The following HYOU1 variants were observed in gnomAD, a reference collection of about 807,000 sequenced individuals.
The protein encoded by HYOU1 is hypoxia up-regulated protein 1.
HYOU1 carries 40 observed loss-of-function variants against 120.5 expected under a neutral mutation model. The ratio of observed to expected loss-of-function variants is 0.33; its 90% confidence interval spans 0.26 to 0.43. The LOEUF (loss-of-function observed/expected upper bound fraction) is 0.43. HYOU1 is among the 20% of genes least tolerant of loss of function. The pLI is 1.00. For synonymous variants in HYOU1, 501 were observed against 479.4 expected, an observed-to-expected ratio of 1.05 and a Z score of -0.59; for missense variants, 1,085 against 1,278.3, an observed-to-expected ratio of 0.85 and a Z score of 2.31.
At position 119,048,649 on chromosome 11, in the gene HYOU1, GCCATCC is replaced by G; in HGVS notation, c.2165+59_2165+64del. On this transcript the variant is annotated intron_variant, in intron 18 of 25. Transcript: ENST00000617285. The surrounding 1 kb of genome is among the most constrained non-coding windows in gnomAD (Gnocchi z 4.7). The stretch of plus-strand genomic sequence containing the variant: ...GTCCGACAGCCCTCCCTCCCAGGGC[GCCATCC>G]CACATCCTGCCCACCTTGCACACAC... 1 of 1,605,368 alleles carries G rather than the reference GCCATCC, an allele frequency of 6.2e-7. No homozygotes were observed. The highest frequency in any genetic ancestry group is 8.5e-7 in the Non-Finnish European group (1 of 1,174,936).
Position 119,046,562 on chromosome 11 carries a change from C to G in HYOU1, c.2836G>C (p.Gly946Arg). The change falls in exon 23 of 26, where the codon GGC (glycine) becomes CGC (arginine). Residue 946 changes from glycine to arginine, a missense_variant and splice_region_variant. Coordinates refer to ENST00000617285, the MANE Select transcript of HYOU1 (RefSeq NM_006389.5). ...ATGCAGCCAGGTACCCTGTTCTCAC[C>G]TGCTGGAGGGATGACCTTCTCCCCC... ...DQGEKVIPPA[G>R]QTEDAEPISE... The G allele has an allele frequency of 6.2e-7, 1 of 1,613,760 alleles. No individual in the cohort carries two copies. The highest frequency in any genetic ancestry group is 8.5e-7 in the Non-Finnish European group (1 of 1,179,742).
At position 119,044,458 on chromosome 11, in the gene HYOU1, G is replaced by C. The variant is rs1004097417; in HGVS notation, c.*1135C>G. 1.3e-5 allele frequency: 2 copies of C among 152,572 alleles called. No homozygotes were observed. The highest frequency in any genetic ancestry group is 3.9e-4 in the East Asian group (2 of 5,184). The allele number at this position is 152,572 out of a possible 1,614,324, so 9.5% of individuals were successfully genotyped here. A position where few individuals can be genotyped will look rare whatever the true frequency, so the allele number is the denominator to read the frequency against. On this transcript the variant is annotated 3_prime_UTR_variant, in exon 26 of 26. Coordinates refer to ENST00000617285, the MANE Select transcript of HYOU1 (RefSeq NM_006389.5). ...AGCAGCCCTAGCTCCTGCTACAGACGGAATACTGGAGGACGGGCTCCCTAG... is the reference window on the plus strand; with the variant it reads ...AGCAGCCCTAGCTCCTGCTACAGACCGAATACTGGAGGACGGGCTCCCTAG...
Position 119,052,851 on chromosome 11 carries a change from G to A in HYOU1, c.795-22C>T. On this transcript the variant is annotated intron_variant, in intron 8 of 25. Transcript: ENST00000617285. This position sits in a 1 kb window ranked among gnomAD's most constrained non-coding sequence, Gnocchi z 5.0. ...AAATCTGTTGAGAAAAGGGAGCAGG[G>A]AAAAAAGTGAAGAACACATGGAGTC... is the stretch of plus-strand genomic sequence containing the variant. The A allele has an allele frequency of 6.3e-7, 1 of 1,596,362 alleles. No homozygotes were observed. Among genetic ancestry groups the A allele is most frequent in the Non-Finnish European group, 8.5e-7 (1 of 1,171,650 alleles).
Position 119,048,165 on chromosome 11 carries a change from A to G in HYOU1, c.2376+83T>C. 1 of 1,610,262 alleles carries G rather than the reference A, an allele frequency of 6.2e-7. No individual in the cohort carries two copies. The highest frequency in any genetic ancestry group is 1.3e-5 in the African/African-American group (1 of 74,902). ...CCCCATGTCCTTCTTTATGGGCTCA[A>G]GCCCCAGCTCTTCTCTCTCTCTGAC... On this transcript the variant is annotated intron_variant, in intron 20 of 25. Transcript: ENST00000617285. The surrounding 1 kb of genome is among the most constrained non-coding windows in gnomAD (Gnocchi z 4.7).
chr11:119,046,620 T>C lies in HYOU1; in HGVS notation c.2778A>G (p.Ala926=). ...PRPKDKNGTR[A]EPPLNASASD... Reference sequence around the variant, plus strand: ...TGGCACTGGCATTGAGGGGTGGCTCTGCCCGGGTCCCATTCTTGTCCTTAG... The same window carrying C: ...TGGCACTGGCATTGAGGGGTGGCTCCGCCCGGGTCCCATTCTTGTCCTTAG... Residue 926 remains alanine (A), a synonymous_variant, in exon 23 of 26, where the codon GCA becomes GCG. Coordinates refer to ENST00000617285, the MANE Select transcript of HYOU1 (RefSeq NM_006389.5). 3 of 1,614,196 alleles carry C rather than the reference T, an allele frequency of 1.9e-6. No homozygotes were observed. The highest frequency in any genetic ancestry group is 2.5e-6 in the Non-Finnish European group (3 of 1,180,014).
intron 15 of HYOU1, 58 bp downstream of exon 15, chr11:119,049,719 C>G (rs1428735658): frequency 1.9e-6 from 3 of 1,607,426 alleles, no homozygotes; most frequent in African/African-American, 2.7e-5. Context: ...CCCTGTCCAC[C>G]TCCCCAACCT....
rs2133540393 is a variant in HYOU1, at chr11:119,044,354, A to G, written c.*1239T>C. 1 of 150,118 alleles carries G rather than the reference A, an allele frequency of 6.7e-6. No homozygotes were observed. Among genetic ancestry groups the G allele is most frequent in the Non-Finnish European group, 1.5e-5 (1 of 67,556 alleles). The allele number at this position is 150,118 out of a possible 1,614,324, so 9.3% of individuals were successfully genotyped here. On this transcript the variant is annotated 3_prime_UTR_variant, in exon 26 of 26. Coordinates refer to ENST00000617285, the MANE Select transcript of HYOU1 (RefSeq NM_006389.5). The stretch of plus-strand genomic sequence containing the variant: ...GGGACCCTTAGGTCCCATCTCTGCC[A>G]ATGTGGCAAAAAAAAAAAAAAAAGG...
In HYOU1 at chr11:119,045,220, T is replaced by C; in HGVS notation, c.*373A>G. ...GGAAGGAACAATCACCAGAGAAGAG[T>C]GGAAACTCCCCAGCAACCTGATACC... On this transcript the variant is annotated 3_prime_UTR_variant, in exon 26 of 26. Transcript: ENST00000617285. The C allele has an allele frequency of 2.1e-6, 1 of 469,118 alleles. No homozygotes were observed. 29.1% of individuals were successfully genotyped at this position (469,118 alleles called of 1,614,324 possible).
At position 119,047,986 on chromosome 11, in the gene HYOU1, G is replaced by T; in HGVS notation, c.2471C>A (p.Ala824Asp). Residue 824 changes from alanine to aspartate, a missense_variant, in exon 21 of 26, where the codon GCC (alanine) becomes GAC (aspartate). Around this residue, in one of 4 missense-constraint regions of HYOU1, gnomAD observed 516 missense variants for 517.1 expected, o/e 1.00. Coordinates refer to ENST00000617285, the MANE Select transcript of HYOU1 (RefSeq NM_006389.5). ...ERKKWPERLSALDNLLNHSSM... is the reference protein window; with the variant it reads ...ERKKWPERLSDLDNLLNHSSM... The stretch of plus-strand genomic sequence containing the variant: ...GGAATGGTTGAGGAGATTATCGAGG[G>T]CAGACAGCCGTTCGGGCCACTTCTT... The T allele has an allele frequency of 1.9e-6, 3 of 1,614,188 alleles. No homozygotes were observed. Among genetic ancestry groups the T allele is most frequent in the Admixed American group, 1.7e-5 (1 of 60,018 alleles).
Position 119,055,467 on chromosome 11 carries a change from T to A in HYOU1, c.264+26A>T. On this transcript the variant is annotated intron_variant, in intron 4 of 25. Coordinates refer to ENST00000617285, the MANE Select transcript of HYOU1 (RefSeq NM_006389.5). The surrounding 1 kb of genome is among the most constrained non-coding windows in gnomAD (Gnocchi z 4.0). ...CCATCTCCTCTCCTCTGCCCACCAC[T>A]CTGGGAAGAGGGACTGCTAGCTCAC... The A allele has an allele frequency of 6.2e-7, 1 of 1,607,866 alleles. No homozygotes were observed. Among genetic ancestry groups the A allele is most frequent in the Non-Finnish European group, 8.5e-7 (1 of 1,174,410 alleles).
Position 119,055,603 on chromosome 11 carries a change from T to C in HYOU1, c.186-32A>G. ...AAAAGAGATTTTGGGCCCAGGTGCC[T>C]GCAGCAGAAGGACTCAGAAGCCTCG... On this transcript the variant is annotated intron_variant, in intron 3 of 25. Coordinates refer to ENST00000617285, the MANE Select transcript of HYOU1 (RefSeq NM_006389.5). The surrounding 1 kb of genome is among the most constrained non-coding windows in gnomAD (Gnocchi z 4.0). 1 of 1,594,020 alleles carries C rather than the reference T, an allele frequency of 6.3e-7. No individual in the cohort carries two copies.
rs1944409125 is a variant in HYOU1 at position 119,051,036 on chromosome 11, C to G, written c.1664G>C (p.Arg555Thr). ...CACAGGGTATCCTTTAGCTCTCACC[C>G]TGTCTAGACTGAGCACGCCACTCTC... ...LDESGVLSLD[R>T]VESVFETLVE... The change falls in exon 14 of 26, where the codon AGG (arginine) becomes ACG (threonine). Residue 555 changes from arginine (R) to threonine (T), a missense_variant and splice_region_variant. Arg to Thr is a moderately conservative substitution (Grantham distance 71). Transcript: ENST00000617285. The surrounding 1 kb of genome is among the most constrained non-coding windows in gnomAD (Gnocchi z 4.2). The G allele has an allele frequency of 6.2e-7, 1 of 1,614,106 alleles. No homozygotes were observed. Among genetic ancestry groups the G allele is most frequent in the Admixed American group, 1.7e-5 (1 of 60,002 alleles).
In HYOU1 at chr11:119,051,717, C is replaced by T. The variant is rs1257610014; in HGVS notation, c.1339-92G>A. 2 of 1,596,308 alleles carry T rather than the reference C, an allele frequency of 1.3e-6. No individual in the cohort carries two copies. Among genetic ancestry groups the T allele is most frequent in the Non-Finnish European group, 1.7e-6 (2 of 1,166,966 alleles). ...GATGGGGGTGGGATGGGGGAGACCT[C>T]TTAGCAGAAAGACAAAGGGATGAGC... On this transcript the variant is annotated intron_variant, in intron 12 of 25. Transcript: ENST00000617285. This position sits in a 1 kb window ranked among gnomAD's most constrained non-coding sequence, Gnocchi z 4.2.
In HYOU1 at chr11:119,052,726, G is replaced by C. The variant is rs782034654; in HGVS notation, c.898C>G (p.Arg300Gly). The stretch of plus-strand genomic sequence containing the variant: ...TTGGCCATGGCACGCGGGTTCTCCC[G>C]CACATCCTTTGCTCTCTGACCCTTG... ...QRKGQRAKDV[R>G]ENPRAMAKLL... Residue 300 changes from arginine (R) to glycine (G), a missense_variant, in exon 9 of 26, where the codon CGG becomes GGG. Transcript: ENST00000617285. The surrounding 1 kb of genome is among the most constrained non-coding windows in gnomAD (Gnocchi z 5.0). 5 of 1,614,042 alleles carry C rather than the reference G, an allele frequency of 3.1e-6. No homozygotes were observed. In the Admixed American group the frequency reaches 5.0e-5, roughly 16 times the overall value.
chr11:119,044,457 CG>C lies in HYOU1; in HGVS notation c.*1135del, dbSNP rs1391625823. 7 of 152,472 alleles carry C rather than the reference CG, an allele frequency of 4.6e-5. No homozygotes were observed. Among genetic ancestry groups the C allele is most frequent in the Non-Finnish European group, 8.8e-5 (6 of 68,054 alleles). The allele number at this position is 152,472 out of a possible 1,614,324, so 9.4% of individuals were successfully genotyped here. ...CAGCAGCCCTAGCTCCTGCTACAGA[CG>C]GAATACTGGAGGACGGGCTCCCTAG... On this transcript the variant is annotated 3_prime_UTR_variant, in exon 26 of 26. Coordinates refer to ENST00000617285, the MANE Select transcript of HYOU1 (RefSeq NM_006389.5).
Position 119,054,152 on chromosome 11 carries a change from T to A in HYOU1, c.763A>T (p.Met255Leu). The A allele has an allele frequency of 6.2e-7, 1 of 1,613,734 alleles. No individual in the cohort carries two copies. The change falls in exon 8 of 26, where the codon ATG becomes TTG. Residue 255 changes from methionine (M) to leucine (L), a missense_variant. Physicochemically the swap from Met to Leu is conservative, Grantham distance 15. Around this residue, in one of 4 missense-constraint regions of HYOU1, gnomAD observed 515 missense variants for 677.8 expected, o/e 0.76. Coordinates refer to ENST00000617285, the MANE Select transcript of HYOU1 (RefSeq NM_006389.5). ...YQMVKTKEAG[M>L]QPQLQIRGVG... ...CCCCGGATCTGCAGCTGTGGCTGCA[T>A]CCCAGCTTCCTTAGTCTTCACCATC...
At position 119,048,423 on chromosome 11, in the gene HYOU1, C is replaced by T; in HGVS notation, c.2253+53G>A. The T allele has an allele frequency of 6.2e-7, 1 of 1,612,190 alleles. No individual in the cohort carries two copies. Among genetic ancestry groups the T allele is most frequent in the Middle Eastern group, 1.7e-4 (1 of 5,988 alleles). Reference sequence around the variant, plus strand: ...CACCCACAAGCCCAGAGGCAAGGCCCACAGAGCCAGGTGTAAGCCCAGTGG... The same window carrying T: ...CACCCACAAGCCCAGAGGCAAGGCCTACAGAGCCAGGTGTAAGCCCAGTGG... On this transcript the variant is annotated intron_variant, in intron 19 of 25. Transcript: ENST00000617285. The surrounding 1 kb of genome is among the most constrained non-coding windows in gnomAD (Gnocchi z 4.7).
chr11:119,052,510 G>C lies in HYOU1; in HGVS notation c.988-81C>G, dbSNP rs2133593506. 3.3e-5 allele frequency: 52 copies of C among 1,598,906 alleles called. 2 individuals are homozygous for C. The South Asian group carries it at 5.4e-4, about 17-fold the overall frequency. ...GAGTAGGACAGAAACAAAAAGAATA[G>C]GTCTTTGGGAGGATGGTAGCGGGAG... On this transcript the variant is annotated intron_variant, in intron 9 of 25. Transcript: ENST00000617285. This position sits in a 1 kb window ranked among gnomAD's most constrained non-coding sequence, Gnocchi z 5.0.
rs1944229190 is a variant in HYOU1, at chr11:119,048,605, T to G, written c.2166-42A>C. 2 of 1,610,528 alleles carry G rather than the reference T, an allele frequency of 1.2e-6. No homozygotes were observed. Among genetic ancestry groups the G allele is most frequent in the South Asian group, 1.1e-5 (1 of 90,978 alleles). ...GGGTAGGGATGAGGGAGAGGGCAAG[T>G]GAGAACTTGAGACTCTGGGTCCGAC... On this transcript the variant is annotated intron_variant, in intron 18 of 25. Coordinates refer to ENST00000617285, the MANE Select transcript of HYOU1 (RefSeq NM_006389.5). This position sits in a 1 kb window ranked among gnomAD's most constrained non-coding sequence, Gnocchi z 4.7.
Sources: gnomAD v4.1 joint callset for allele counts on GRCh38, gnomAD v4.1.1 for gene constraint, gnomAD v4.1.1 regional missense constraint, Gnocchi (gnomAD v3.1) non-coding constraint, MANE v1.5 for transcripts, NCBI Gene and HGNC (gene_info 2026-07-23, HGNC 2026-07-21) for gene names.